The following SH3KBP1 variants were observed in gnomAD, a reference collection of about 807,000 sequenced individuals.
The protein encoded by SH3KBP1 is SH3 domain containing kinase binding protein 1.
SH3KBP1 carries 8 observed loss-of-function variants against 50.1 expected under a neutral mutation model. That is an observed-to-expected ratio of 0.16 (90% confidence interval 0.09 to 0.29). SH3KBP1 has a LOEUF of 0.29. Ranked by LOEUF, SH3KBP1 falls within the 10% of genes least tolerant of loss-of-function variation. The pLI is 1.00. For missense variants in SH3KBP1, 377 were observed against 535.2 expected (o/e 0.70, Z 2.92); for synonymous variants, 227 against 218.6 (o/e 1.04, Z -0.34).
chrX:19,582,258 G>A (rs907733420), intron 12 of SH3KBP1, among the ~76,000 whole-genome samples: 7 of 111,948 alleles, frequency 6.3e-5, no homozygotes, highest in Non-Finnish European at 1.1e-4. Context: ...ACAGAGGATA[G>A]AGCCAGCAGG....
chrX:19,887,087 G>A (rs1251284369), intron 1 of SH3KBP1, among the ~76,000 whole-genome samples: 5 of 111,615 alleles, frequency 4.5e-5, no homozygotes, highest in Non-Finnish European at 9.5e-5. Context: ...CGTCTGCTCA[G>A]GCCCCCGCGG....
intron 2 of SH3KBP1, among the ~76,000 whole-genome samples, chrX:19,806,375 G>C (rs893273319): frequency 6.3e-5 from 7 of 110,755 alleles, no homozygotes; most frequent in Non-Finnish European, 1.1e-4. Context: ...AATTAGCTGG[G>C]CATGGTGGTG....
At chrX:19,862,862 T>A (rs1300035358) in intron 1 of SH3KBP1, among the ~76,000 whole-genome samples, 8 of 111,354 alleles carry the variant, frequency 7.2e-5, no homozygotes, top group Admixed American at 4.8e-4. Context: ...CTAATCAGAG[T>A]CCATTTGCAC....
chrX:19,603,926 A>C (rs2067167473), intron 9 of SH3KBP1, among the ~76,000 whole-genome samples: 1 of 111,746 alleles, frequency 8.9e-6, no homozygotes, highest in African/African-American at 3.3e-5. Context: ...AGGCTCAAGC[A>C]ATCCTCCCAC....
At chrX:19,722,574 G>GTA (rs1421890997) in intron 3 of SH3KBP1, among the ~76,000 whole-genome samples, 9 of 72,329 alleles carry the variant, frequency 1.2e-4, no homozygotes, top group African/African-American at 5.1e-4. Flanking sequence ...GCACTGGTGT[G>GTA]TGTGTGTGTG....
chrX:19,653,727 C>T (rs2062189181), intron 6 of SH3KBP1, among the ~76,000 whole-genome samples: 1 of 105,526 alleles, frequency 9.5e-6, no homozygotes, highest in South Asian at 4.4e-4. Flanking sequence ...TATATACACA[C>T]ACATATATAT....
At chrX:19,810,420 G>C (rs2067171705) in intron 2 of SH3KBP1, among the ~76,000 whole-genome samples, 1 of 112,458 alleles carries the variant, frequency 8.9e-6, no homozygotes, top group Non-Finnish European at 1.9e-5. Flanking sequence ...ATCTACCAAT[G>C]ATGAATCTGT....
At position 19,778,268 on chromosome X, in the gene SH3KBP1, T is replaced by C. The variant is rs1431848412; in HGVS notation, c.163-31827A>G. ...CAAGATGGTGAAACCCTGTCTCTAC[T>C]AAAAATACAAAAATTAGCTGGACAC... On this transcript the variant is annotated intron_variant, in intron 2 of 17. Coordinates refer to ENST00000397821, the MANE Select transcript of SH3KBP1 (RefSeq NM_031892.3). 1.0e-4 allele frequency among the ~76,000 whole-genome samples: 11 copies of C among 109,039 alleles called. No individual in the cohort carries two copies. In the Admixed American group the frequency reaches 1.1e-3, roughly 11 times the overall value. 94.7% of individuals were successfully genotyped at this position (109,039 alleles called of 115,157 possible). A position where few individuals can be genotyped will look rare whatever the true frequency, so the allele number is the denominator to read the frequency against.
chrX:19,566,355 A>G (rs1451623506), intron 13 of SH3KBP1, among the ~76,000 whole-genome samples: 3 of 102,907 alleles, frequency 2.9e-5, no homozygotes, highest in Non-Finnish European at 6.0e-5. Context: ...AGACTGAAAA[A>G]CATGTGATTC....
chrX:19,850,172 T>C (rs940051338), intron 1 of SH3KBP1, among the ~76,000 whole-genome samples: 1 of 111,511 alleles, frequency 9.0e-6, no homozygotes, highest in African/African-American at 3.3e-5. Flanking sequence ...TTATAAAGGG[T>C]ACTGGGCATC....
intron 4 of SH3KBP1, among the ~76,000 whole-genome samples, chrX:19,696,297 T>C (rs761654545): frequency 8.9e-6 from 1 of 112,435 alleles, no homozygotes; most frequent in African/African-American, 3.2e-5. Flanking sequence ...TATAATCTTA[T>C]GCGTTTTATT....
At chrX:19,804,882 A>ACCCCCCCCCCCCCCCCCCCCCCCCC (rs1171123464) in intron 2 of SH3KBP1, among the ~76,000 whole-genome samples, 1 of 17,378 alleles carries the variant, frequency 5.8e-5, no homozygotes, top group African/African-American at 2.6e-4. Flanking sequence ...CCCAAACCCT[A>ACCCCCCCCCCCCCCCCCCCCCCCCC]CCCCCCCCCC....
chrX:19,726,454 A>G (rs1349421019), intron 3 of SH3KBP1, among the ~76,000 whole-genome samples: 1 of 111,447 alleles, frequency 9.0e-6, no homozygotes, highest in Admixed American at 9.5e-5. Context: ...ACTAGGGCGT[A>G]CTGATTGCAT....
intron 8 of SH3KBP1, among the ~76,000 whole-genome samples, chrX:19,611,377 G>T (rs1308157627): frequency 9.0e-6 from 1 of 111,038 alleles, no homozygotes; most frequent in Non-Finnish European, 1.9e-5. Context: ...GTTTTGAGAC[G>T]CAGTCTCACT....
At chrX:19,543,769 G>T (rs1009127567) in intron 15 of SH3KBP1, among the ~76,000 whole-genome samples, 2 of 111,253 alleles carry the variant, frequency 1.8e-5, no homozygotes, top group Non-Finnish European at 1.9e-5. Context: ...GAGACTGGCG[G>T]GGGAGGCCTG....
chrX:19,824,181 T>C (rs2067607055), intron 2 of SH3KBP1, among the ~76,000 whole-genome samples: 3 of 112,264 alleles, frequency 2.7e-5, no homozygotes, highest in Non-Finnish European at 5.6e-5. Flanking sequence ...ATGTTCTTTG[T>C]GTATTTGTAG....
intron 6 of SH3KBP1, chrX:19,683,193 G>T (rs2063095845): frequency 3.3e-6 from 1 of 299,451 alleles, no homozygotes. Flanking sequence ...GTGTGTTGCT[G>T]TGGTAACCGC....
At chrX:19,548,297 C>T (rs967337603) in intron 14 of SH3KBP1, among the ~76,000 whole-genome samples, 6 of 111,995 alleles carry the variant, frequency 5.4e-5, no homozygotes, top group East Asian at 2.8e-4. Flanking sequence ...AGTCACAAGG[C>T]TCTCTAGACC....
chrX:19,713,132 A>G (rs2063818917), intron 3 of SH3KBP1, among the ~76,000 whole-genome samples: 1 of 110,925 alleles, frequency 9.0e-6, no homozygotes, highest in Non-Finnish European at 1.9e-5. Context: ...CTGAGGCAGG[A>G]GAAACACTTG....
Sources: gnomAD v4.1 joint callset for allele counts (sites outside exome capture counted in the v4.1 genomes callset) on GRCh38, gnomAD v4.1.1 for gene constraint, MANE v1.5 for transcripts, NCBI Gene and HGNC (gene_info 2026-07-23, HGNC 2026-07-21) for gene names.